Variants in HSPG2 observed in about 807,000 individuals in gnomAD.
The protein encoded by HSPG2 is basement membrane-specific heparan sulfate proteoglycan core protein.
Under a neutral mutation model 526.6 loss-of-function variants are expected in HSPG2, and 278 were observed. The observed-to-expected ratio is 0.53, with a 90% CI of 0.48 to 0.58. The LOEUF (loss-of-function observed/expected upper bound fraction) is 0.58. HSPG2 is among the 20% of genes least tolerant of loss of function. The probability of loss-of-function intolerance (pLI) is 0.00; values close to 1 mark genes in which losing one functional copy is unlikely to be tolerated. For missense variants in HSPG2, 5,354 were observed against 6,099.5 expected, an observed-to-expected ratio of 0.88 and a Z score of 4.07; for synonymous variants, 2,465 against 2,555.4, an observed-to-expected ratio of 0.96 and a Z score of 1.07.
chr1:21,861,148 C>G (rs1403652989), intron 39 of HSPG2, among the ~76,000 whole-genome samples: 3 of 152,172 alleles, frequency 2.0e-5, no homozygotes, highest in Non-Finnish European at 2.9e-5. Context: ...GTGGCAGACT[C>G]CGTAAGGGCT....
intron 76 of HSPG2, 64 bp downstream of exon 76, chr1:21,835,476 T>G: frequency 9.5e-7 from 1 of 1,051,098 alleles, no homozygotes; most frequent in Non-Finnish European, 1.5e-6. Flanking sequence ...CTGGGCCTTG[T>G]GCCTCTCTGC....
At chr1:21,924,578 C>T (rs950142233) in intron 1 of HSPG2, among the ~76,000 whole-genome samples, 1 of 152,022 alleles carries the variant, frequency 6.6e-6, no homozygotes, top group African/African-American at 2.4e-5. Flanking sequence ...AGGAGCCCAT[C>T]TTGTGAGTAG....
chr1:21,854,080 G>C, intron 50 of HSPG2, 113 bp downstream of exon 50: 1 of 1,240,696 alleles, frequency 8.1e-7, no homozygotes, highest in Non-Finnish European at 1.1e-6. Flanking sequence ...GCGCTGAAGG[G>C]TCAAAGCCTG....
intron 1 of HSPG2, among the ~76,000 whole-genome samples, chr1:21,927,194 A>C (rs1395441708): frequency 6.6e-6 from 1 of 152,068 alleles, no homozygotes; most frequent in East Asian, 1.9e-4. Flanking sequence ...CCCCTTCCCC[A>C]CCGACTGGGA....
chr1:21,879,205 C>G, intron 17 of HSPG2, 84 bp from the exon 18 acceptor site: 1 of 1,537,542 alleles, frequency 6.5e-7, no homozygotes, highest in South Asian at 1.1e-5. Context: ...CTGTCTAGCT[C>G]AGCCTCCCCA....
intron 6 of HSPG2, chr1:21,888,690 A>C: frequency 1.5e-6 from 2 of 1,365,356 alleles, no homozygotes; most frequent in Non-Finnish European, 2.0e-6. Flanking sequence ...CGACCGCCAC[A>C]GCGGCCGGCG....
rs769661597 is a variant in HSPG2 at position 21,842,827 on chromosome 1, C to T, written c.8853G>A (p.Gln2951=). ...TLDLNCVVPG[Q]AHAQVTWYKR... ...TGTACCACGTGACCTGGGCATGGGCCTGCCCGGGCACCACACAGTTCAGAT... is the reference window on the plus strand; with the variant it reads ...TGTACCACGTGACCTGGGCATGGGCTTGCCCGGGCACCACACAGTTCAGAT... Residue 2951 remains glutamine, a synonymous_variant, in exon 67 of 97, where the codon CAG becomes CAA. Coordinates refer to ENST00000374695, the MANE Select transcript of HSPG2 (RefSeq NM_005529.7). 6.2e-7 allele frequency: 1 copy of T among 1,614,042 alleles called. No homozygotes were observed. Among genetic ancestry groups the T allele is most frequent in the South Asian group, 1.1e-5 (1 of 91,084 alleles).
In HSPG2 at chr1:21,931,261, G is replaced by A. The variant is rs575461253; in HGVS notation, c.63+5894C>T. On this transcript the variant is annotated intron_variant, in intron 1 of 96. Transcript: ENST00000374695. ...ATTGACACAGCCCTGACGCCACCAGGCTGGGCAGTGAGGCCGGCGGCTCCC... is the reference window on the plus strand; with the variant it reads ...ATTGACACAGCCCTGACGCCACCAGACTGGGCAGTGAGGCCGGCGGCTCCC... 2.0e-5 allele frequency among the ~76,000 whole-genome samples: 3 copies of A among 152,374 alleles called. No homozygotes were observed. The East Asian group carries it at 5.8e-4, about 29-fold the overall frequency.
At position 21,855,599 on chromosome 1, in the gene HSPG2, C is replaced by T. The variant is rs757687953; in HGVS notation, c.5778G>A (p.Thr1926=). 7.7e-5 allele frequency: 122 copies of T among 1,584,936 alleles called. No homozygotes were observed. Among genetic ancestry groups the T allele is most frequent in the East Asian group, 1.6e-4 (7 of 43,720 alleles). ...CTCGGCACAAGTACTGGGCCTGATC[C>T]GTGGGCTCGACAGCTGGCAGGCGCA... ...GILRLPAVEP[T]DQAQYLCRAH... Residue 1926 remains threonine (T), a synonymous_variant, in exon 46 of 97, where the codon ACG becomes ACA. Transcript: ENST00000374695.
intron 39 of HSPG2, 147 bp downstream of exon 39, chr1:21,861,610 A>G (rs1639795105): frequency 1.3e-6 from 1 of 788,700 alleles, no homozygotes; most frequent in East Asian, 2.7e-5. Context: ...GCTTGTCCCA[A>G]GAGCAATGAG....
intron 50 of HSPG2, chr1:21,853,938 G>A (rs892134666): frequency 1.3e-5 from 7 of 526,990 alleles, no homozygotes; most frequent in Admixed American, 6.5e-5. Flanking sequence ...CCGACTCCCA[G>A]CTTAGTATTC....
rs372120948 is a variant in HSPG2, at chr1:21,834,710, G to A, written c.10689C>T (p.Thr3563=). The part of the protein sequence containing the change: ...YRCTATNAAG[T]TQSHVLLLVQ... Reference sequence around the variant, plus strand: ...CAAGCAGCAGGACGTGGGATTGTGTGGTGCCAGCTGCGTTGGTGGCAGTGC... The same window carrying A: ...CAAGCAGCAGGACGTGGGATTGTGTAGTGCCAGCTGCGTTGGTGGCAGTGC... The change falls in exon 77 of 97, where the codon ACC becomes ACT. Residue 3563 remains threonine (T), a synonymous_variant. Coordinates refer to ENST00000374695, the MANE Select transcript of HSPG2 (RefSeq NM_005529.7). 2.4e-5 allele frequency: 38 copies of A among 1,614,174 alleles called. No individual in the cohort carries two copies. Among genetic ancestry groups the A allele is most frequent in the Middle Eastern group, 3.3e-4 (2 of 6,060 alleles).
chr1:21,908,870 A>C (rs889365537), intron 1 of HSPG2, among the ~76,000 whole-genome samples: 1 of 152,208 alleles, frequency 6.6e-6, no homozygotes, highest in Non-Finnish European at 1.5e-5. Context: ...TCACGCCTAT[A>C]ATTCCAGCAC....
intron 33 of HSPG2, among the ~76,000 whole-genome samples, chr1:21,867,474 C>G (rs367610089): frequency 6.6e-6 from 1 of 152,098 alleles, no homozygotes; most frequent in Admixed American, 6.6e-5. Context: ...TTGGACAAGT[C>G]GCTTCACCTC....
rs1310533307 is a variant in HSPG2 at position 21,881,405 on chromosome 1, G to A, written c.1752C>T (p.Asp584=). The A allele has an allele frequency of 1.9e-6, 3 of 1,614,158 alleles. No individual in the cohort carries two copies. In the South Asian group the frequency reaches 3.3e-5, roughly 18 times the overall value. The change falls in exon 14 of 97, where the codon GAC becomes GAT. Residue 584 remains aspartate (D), a synonymous_variant. Transcript: ENST00000374695. ...CGTGGACGAGGAAGCGGCGGGACAG[G>A]TCGACTAGCTGGAACTCGTGCAGGG... ...DPSLHEFQLV[D]LSRRFLVHDS...
At chr1:21,855,168 CAGG>C in intron 47 of HSPG2, 133 bp downstream of exon 47, 1 of 1,371,046 alleles carries the variant, frequency 7.3e-7, no homozygotes, top group South Asian at 1.3e-5. Context: ...GATGCAGGGG[CAGG>C]AGACCACCAT....
In HSPG2 at chr1:21,822,347, C is replaced by A; in HGVS notation, c.*969G>T. The stretch of plus-strand genomic sequence containing the variant: ...GCGTCCCAACCCCACAGTCTGGGGG[C>A]CACTGGCAGGATGGCACTTGAGCTG... On this transcript the variant is annotated 3_prime_UTR_variant, in exon 97 of 97. Transcript: ENST00000374695. 1 of 882,454 alleles carries A rather than the reference C, an allele frequency of 1.1e-6. No individual in the cohort carries two copies. 54.7% of individuals were successfully genotyped at this position (882,454 alleles called of 1,614,324 possible).
chr1:21,906,433 C>A (rs754560384), intron 1 of HSPG2, among the ~76,000 whole-genome samples: 1 of 152,190 alleles, frequency 6.6e-6, no homozygotes, highest in Non-Finnish European at 1.5e-5. Context: ...GAGGTCGGCT[C>A]CCCCTGCCCC....
intron 55 of HSPG2, among the ~76,000 whole-genome samples, chr1:21,851,134 G>A (rs1172048233): frequency 2.0e-5 from 3 of 151,888 alleles, no homozygotes; most frequent in Non-Finnish European, 4.4e-5. Context: ...CACTATGCCC[G>A]GCTAATTTTT....
Sources: gnomAD v4.1 joint callset for allele counts (sites outside exome capture counted in the v4.1 genomes callset) on GRCh38, gnomAD v4.1.1 for gene constraint, MANE v1.5 for transcripts, NCBI Gene and HGNC (gene_info 2026-07-23, HGNC 2026-07-21) for gene names.